PRSS23: variants seen among roughly 807,000 people sequenced by gnomAD.
The protein encoded by PRSS23 is serine protease 23, also known as protease, serine 23.
A neutral mutation model predicts 34.7 loss-of-function variants in PRSS23; 25 were observed. The ratio of observed to expected loss-of-function variants is 0.72; its 90% CI spans 0.53 to 1.01. PRSS23 has a LOEUF of 1.01. Among genes scored for constraint, PRSS23 ranks in the 50% least tolerant of loss-of-function variants. PRSS23 has a pLI of 0.00. For synonymous variants in PRSS23, 176 were observed against 186.6 expected (o/e 0.94, Z 0.46); for missense variants, 445 against 475.6 (o/e 0.94, Z 0.60).
At chr11:86,861,917 G>A (rs1948618341) in intron 2 of PRSS23, among the ~76,000 whole-genome samples, 1 of 151,884 alleles carries the variant, frequency 6.6e-6, no homozygotes, top group African/African-American at 2.4e-5. Context: ...ATCCAGCGTG[G>A]AGAGGATGAT....
At chr11:86,812,968 C>T (rs537758273), downstream of PRSS23, among the ~76,000 whole-genome samples, 71 of 152,052 alleles carry the variant, frequency 4.7e-4, no homozygotes, top group African/African-American at 1.7e-3. Flanking sequence ...TTTAAACCCT[C>T]CTATATGATT....
chr11:86,944,388 G>A (rs1949226506), intron 2 of PRSS23, among the ~76,000 whole-genome samples: 1 of 151,944 alleles, frequency 6.6e-6, no homozygotes, highest in African/African-American at 2.4e-5. Context: ...AGGTATCTGG[G>A]GTTAAGATTA....
chr11:86,842,277 G>A (rs746472431), intron 2 of PRSS23, among the ~76,000 whole-genome samples: 3 of 152,126 alleles, frequency 2.0e-5, no homozygotes, highest in Non-Finnish European at 2.9e-5. Flanking sequence ...TTGATGGAAC[G>A]TATCTCAAAA....
At chr11:86,950,849 A>T (rs542000526) in intron 2 of PRSS23, 1 of 471,962 alleles carries the variant, frequency 2.1e-6, no homozygotes, top group Non-Finnish European at 3.9e-6. Flanking sequence ...GAATCTAGGC[A>T]GGACCTCCAC....
At chr11:86,944,496 A>G (rs1272707456) in intron 2 of PRSS23, among the ~76,000 whole-genome samples, 1 of 152,200 alleles carries the variant, frequency 6.6e-6, no homozygotes, top group African/African-American at 2.4e-5. Flanking sequence ...GGGCATGGGA[A>G]GACCTGCTGA....
At chr11:86,833,745 A>C (rs1488445980) in intron 2 of PRSS23, among the ~76,000 whole-genome samples, 1 of 152,092 alleles carries the variant, frequency 6.6e-6, no homozygotes, top group Non-Finnish European at 1.5e-5. Context: ...GGATGCAGTC[A>C]CCTTCCCACC....
rs75232024 is a variant in PRSS23, at chr11:86,805,097, C to T, written c.-13-2534C>T. ...TACTCAAAGGGAGGAGAGAATGGTG[C>T]GTTGAAGCCCAAGATACAGCCATGT... On this transcript the variant is annotated intron_variant, in intron 1 of 1. Coordinates refer to ENST00000280258, the MANE Select transcript of PRSS23 (RefSeq NM_007173.6). Among the ~76,000 whole-genome samples the T allele has an allele frequency of 2.0e-3, 301 of 152,228 alleles. 1 individual carries two copies. The highest frequency in any genetic ancestry group is 6.9e-3 in the African/African-American group (288 of 41,528).
At chr11:86,834,070 C>A (rs868140554) in intron 2 of PRSS23, among the ~76,000 whole-genome samples, 2 of 152,138 alleles carry the variant, frequency 1.3e-5, no homozygotes, top group Admixed American at 1.3e-4. Context: ...CTGGAAGAGA[C>A]AAACTTAACA....
At position 86,831,530 on chromosome 11, in the gene PRSS23, C is replaced by T. The variant is rs181558843; in HGVS notation, c.206+7937C>T. Among the ~76,000 whole-genome samples the T allele has an allele frequency of 4.1e-4, 63 of 151,962 alleles. No homozygotes were observed. The East Asian group carries it at 0.011, about 28-fold the overall frequency. Reference sequence around the variant, plus strand: ...CACACCGTGATATTATTCGTAATAGCCTATAGAAATGTTACTCTTAATATC... The same window carrying T: ...CACACCGTGATATTATTCGTAATAGTCTATAGAAATGTTACTCTTAATATC... On this transcript the variant is annotated intron_variant, in intron 2 of 2. Transcript: ENST00000533902.
chr11:86,878,759 AC>A (rs1265030911), intron 2 of PRSS23, among the ~76,000 whole-genome samples: 4 of 148,528 alleles, frequency 2.7e-5, no homozygotes, highest in Non-Finnish European at 5.9e-5. Context: ...CTGCCTGGCT[AC>A]CCAGTCTGGA....
chr11:86,877,323 C>T (rs1948731494), intron 2 of PRSS23, among the ~76,000 whole-genome samples: 2 of 152,184 alleles, frequency 1.3e-5, no homozygotes. Context: ...GGAAAGTCCC[C>T]ATTTTGGTCA....
rs1948119685 is a variant in PRSS23 at position 86,807,769 on chromosome 11, C to T, written c.126C>T (p.Pro42=). 2 of 1,614,128 alleles carry T rather than the reference C, an allele frequency of 1.2e-6. No individual in the cohort carries two copies. The highest frequency in any genetic ancestry group is 1.1e-5 in the South Asian group (1 of 91,074). ...CATACCGCCTCCCTGTCGTCTTGCC[C>T]CAGTCTACCCTCAATTTAGCCAAGC... ...WPAYRLPVVL[P]QSTLNLAKPD... Residue 42 remains proline (P), a synonymous_variant, in exon 2 of 2, where the codon CCC becomes CCT. Transcript: ENST00000280258.
chr11:86,923,988 C>T (rs982215384), intron 2 of PRSS23, among the ~76,000 whole-genome samples: 10 of 152,140 alleles, frequency 6.6e-5, no homozygotes, highest in African/African-American at 1.9e-4. Context: ...AAAGGGTATA[C>T]AAGAGGATCC....
chr11:86,794,406 G>T (rs1947968525), intron 1 of PRSS23, among the ~76,000 whole-genome samples: 1 of 152,048 alleles, frequency 6.6e-6, no homozygotes, highest in South Asian at 2.1e-4. Flanking sequence ...TTACAATAGT[G>T]CCCAGAGCAT....
At chr11:86,867,809 TA>T (rs1948659728) in intron 2 of PRSS23, among the ~76,000 whole-genome samples, 2 of 146,370 alleles carry the variant, frequency 1.4e-5, no homozygotes, top group African/African-American at 5.1e-5. Context: ...CCCAGGAGGC[TA>T]AGGCTGCAGT....
intron 2 of PRSS23, among the ~76,000 whole-genome samples, chr11:86,940,083 G>A (rs1478981400): frequency 6.6e-6 from 1 of 152,064 alleles, no homozygotes; most frequent in Non-Finnish European, 1.5e-5. Flanking sequence ...TCTGAGTCCC[G>A]AAGAGCTGGT....
intron 2 of PRSS23, chr11:86,823,720 G>A (rs1260418862): frequency 4.7e-6 from 3 of 643,256 alleles, no homozygotes; most frequent in Non-Finnish European, 8.5e-6. Flanking sequence ...CAAGAATTCA[G>A]AGCAGGCCGG....
At position 86,840,298 on chromosome 11, in the gene PRSS23, A is replaced by G. The variant is rs546719814; in HGVS notation, c.206+16705A>G. Among the ~76,000 whole-genome samples, 7 of 152,270 alleles carry G rather than the reference A, an allele frequency of 4.6e-5. No individual in the cohort carries two copies. The East Asian group carries it at 1.2e-3, about 25-fold the overall frequency. On this transcript the variant is annotated intron_variant, in intron 2 of 2. Coordinates refer to the PRSS23 transcript ENST00000533902. ...AAAGCAAAACAAACAAACAAACAAA[A>G]AAAGCAGGGATTGCAATCCTAGTCT...
intron 2 of PRSS23, among the ~76,000 whole-genome samples, chr11:86,872,173 A>G (rs1159882264): frequency 1.3e-5 from 2 of 152,244 alleles, no homozygotes; most frequent in Non-Finnish European, 2.9e-5. Flanking sequence ...GTGATAATGT[A>G]TGTTAAGTAT....
Sources: gnomAD v4.1 joint callset for allele counts (sites outside exome capture counted in the v4.1 genomes callset) on GRCh38, gnomAD v4.1.1 for gene constraint, MANE v1.5 for transcripts, NCBI Gene and HGNC (gene_info 2026-07-23, HGNC 2026-07-21) for gene names.